PTPRT: variants seen among roughly 807,000 people sequenced by gnomAD.
PTPRT encodes receptor-type tyrosine-protein phosphatase T.
In PTPRT, 56 loss-of-function variants were observed where a neutral mutation model predicts 176.8. The observed-to-expected ratio is 0.32, with a 90% CI of 0.26 to 0.40. The LOEUF (loss-of-function observed/expected upper bound fraction) is 0.40, where lower values mean the gene tolerates loss of function less well. Ranked by LOEUF, PTPRT falls within the 10% of genes least tolerant of loss-of-function variation. The pLI, the probability that PTPRT is intolerant of heterozygous loss-of-function variation, is 1.00. For synonymous variants in PTPRT, 783 were observed against 739.0 expected (o/e 1.06, Z -0.96); for missense variants, 1,540 against 1,908.2 (o/e 0.81, Z 3.60).
chr20:42,478,658 C>T (rs2071331387), intron 7 of PTPRT, among the ~76,000 whole-genome samples: 1 of 152,074 alleles, frequency 6.6e-6, no homozygotes, highest in African/African-American at 2.4e-5. Flanking sequence ...ATTTTCAAGG[C>T]CCAGCTCCAA....
intron 6 of PTPRT, among the ~76,000 whole-genome samples, chr20:42,733,069 A>C (rs1034966966): frequency 2.0e-5 from 3 of 152,180 alleles, no homozygotes; most frequent in African/African-American, 7.2e-5. Context: ...ATGTGGAAAT[A>C]AAGGTGCTTT....
chr20:42,271,767 G>A (rs2056939808), intron 13 of PTPRT, among the ~76,000 whole-genome samples: 1 of 152,174 alleles, frequency 6.6e-6, no homozygotes, highest in Non-Finnish European at 1.5e-5. Flanking sequence ...ACAAAAGGTT[G>A]AAAGGTGTTT....
chr20:42,773,732 G>A (rs932443662), intron 4 of PTPRT, among the ~76,000 whole-genome samples: 2 of 152,152 alleles, frequency 1.3e-5, no homozygotes, highest in African/African-American at 4.8e-5. Context: ...TTCTTAAAAT[G>A]GGAATAGAGT....
chr20:43,142,917 G>C (rs1253842539), intron 1 of PTPRT, among the ~76,000 whole-genome samples: 2 of 152,196 alleles, frequency 1.3e-5, no homozygotes, highest in Admixed American at 1.3e-4. Context: ...CTGCATGCTG[G>C]ACTTTGCACA....
chr20:42,310,460 G>C (rs2057610141), intron 12 of PTPRT, among the ~76,000 whole-genome samples: 2 of 152,166 alleles, frequency 1.3e-5, no homozygotes, highest in Admixed American at 1.3e-4. Context: ...ACCAATACAA[G>C]TGGCTACAAG....
At chr20:42,687,928 T>C (rs2075726296) in intron 6 of PTPRT, 1 of 152,270 alleles carries the variant, frequency 6.6e-6, no homozygotes, top group South Asian at 2.1e-4. Context: ...CAAATTCATT[T>C]ATTCCTCATA....
chr20:42,433,596 C>G (rs73123338), intron 9 of PTPRT, among the ~76,000 whole-genome samples: 2 of 152,066 alleles, frequency 1.3e-5, no homozygotes, highest in African/African-American at 4.8e-5. Flanking sequence ...CACACTTGCC[C>G]TATATTCATC....
Position 42,282,515 on chromosome 20 carries a change from AT to A in PTPRT, c.2149del (p.Ile717SerfsTer29). 1 of 1,610,898 alleles carries A rather than the reference AT, an allele frequency of 6.2e-7. No individual in the cohort carries two copies. Among genetic ancestry groups the A allele is most frequent in the South Asian group, 1.1e-5 (1 of 90,526 alleles). The stretch of plus-strand genomic sequence containing the variant: ...TTTTGTAGCCAGACGAACACAGTTG[AT>A]TTTGGTCTCCTGTGAACAACAAAAA... The part of the protein sequence containing the change: ...ALSKANGETK[I>X]NCVRLATKGA... On this transcript the variant is annotated frameshift_variant, in exon 13 of 31. Transcript: ENST00000373187. LOFTEE classifies it high-confidence loss of function.
chr20:43,017,327 G>C (rs1164837964), intron 1 of PTPRT, among the ~76,000 whole-genome samples: 2 of 152,044 alleles, frequency 1.3e-5, no homozygotes, highest in Non-Finnish European at 2.9e-5. Flanking sequence ...ACCTTTCTGT[G>C]CGTTTCCTTC....
intron 7 of PTPRT, among the ~76,000 whole-genome samples, chr20:42,550,752 A>C (rs1568970399): frequency 6.6e-6 from 1 of 152,164 alleles, no homozygotes; most frequent in Non-Finnish European, 1.5e-5. Flanking sequence ...CCCAGATTAC[A>C]TCTGTGGAAT....
chr20:42,784,699 T>C (rs1048653216), intron 3 of PTPRT, among the ~76,000 whole-genome samples: 3 of 152,062 alleles, frequency 2.0e-5, no homozygotes, highest in Non-Finnish European at 2.9e-5. Flanking sequence ...CAAAGCTGGG[T>C]GAGTCCTTAA....
At chr20:43,037,262 G>A (rs1986420132) in intron 1 of PTPRT, among the ~76,000 whole-genome samples, 1 of 152,194 alleles carries the variant, frequency 6.6e-6, no homozygotes, top group African/African-American at 2.4e-5. Context: ...GTGAAACTAT[G>A]CTAGGAAACT....
In PTPRT at chr20:42,627,456, G is replaced by C. The variant is rs542998566; in HGVS notation, c.1153+50410C>G. On this transcript the variant is annotated intron_variant, in intron 7 of 30. Transcript: ENST00000373187. Reference sequence around the variant, plus strand: ...AGCTAATTTTTTTAATTTTTTTGTAGAGATGAGGTCTCACTGTGTTACCTA... The same window carrying C: ...AGCTAATTTTTTTAATTTTTTTGTACAGATGAGGTCTCACTGTGTTACCTA... Among the ~76,000 whole-genome samples the C allele has an allele frequency of 1.7e-3, 251 of 151,922 alleles. 1 individual carries two copies. The highest frequency in any genetic ancestry group is 2.5e-3 in the Non-Finnish European group (167 of 67,952).
rs369913613 is a variant in PTPRT at position 42,731,304 on chromosome 20, G to A, written c.859+25158C>T. Reference sequence around the variant, plus strand: ...GGGCTGTCACTTCATCCAATTAAGTGGAGGTTACAGAAGGATCCACTTGTC... The same window carrying A: ...GGGCTGTCACTTCATCCAATTAAGTAGAGGTTACAGAAGGATCCACTTGTC... On this transcript the variant is annotated intron_variant, in intron 6 of 30. Transcript: ENST00000373187. Among the ~76,000 whole-genome samples, 48 of 152,302 alleles carry A rather than the reference G, an allele frequency of 3.2e-4. No individual in the cohort carries two copies. The South Asian group carries it at 9.9e-3, about 32-fold the overall frequency.
intron 7 of PTPRT, among the ~76,000 whole-genome samples, chr20:42,648,822 T>TG (rs1555893443): frequency 1.2e-4 from 5 of 42,334 alleles, no homozygotes; most frequent in African/African-American, 4.0e-4. Flanking sequence ...GTGTCGTTGT[T>TG]TTTTTTTTTT....
At chr20:42,441,968 G>C (rs527781817) in intron 9 of PTPRT, among the ~76,000 whole-genome samples, 1 of 152,238 alleles carries the variant, frequency 6.6e-6, no homozygotes, top group Non-Finnish European at 1.5e-5. Context: ...CTCCTGCCTA[G>C]ACTACCTCCT....
intron 1 of PTPRT, among the ~76,000 whole-genome samples, chr20:43,125,046 A>T (rs1227871193): frequency 1.3e-5 from 2 of 151,760 alleles, no homozygotes; most frequent in African/African-American, 2.4e-5. Flanking sequence ...CCCAGGCTGG[A>T]GTGCAATGGC....
intron 9 of PTPRT, among the ~76,000 whole-genome samples, chr20:42,372,532 A>G (rs1000255955): frequency 3.3e-5 from 5 of 151,840 alleles, no homozygotes; most frequent in African/African-American, 1.2e-4. Flanking sequence ...TGGTCCACCC[A>G]CCTCAGCCTC....
intron 22 of PTPRT, among the ~76,000 whole-genome samples, chr20:42,111,085 T>C (rs1315219276): frequency 6.6e-6 from 1 of 152,036 alleles, no homozygotes; most frequent in Admixed American, 6.5e-5. Context: ...GGAGACAGAG[T>C]GGGGCCTAGA....
Sources: allele counts gnomAD v4.1 joint callset (sites outside exome capture counted in the v4.1 genomes callset), GRCh38; gene constraint gnomAD v4.1.1; transcripts MANE v1.5; gene names NCBI Gene and HGNC (gene_info 2026-07-23, HGNC 2026-07-21).